The following XRRA1 variants were observed in gnomAD, a reference collection of about 807,000 sequenced individuals.
XRRA1 encodes the protein X-ray radiation resistance associated 1.
A neutral mutation model predicts 80.2 loss-of-function variants in XRRA1; 69 were observed. That is an observed-to-expected ratio of 0.86 (90% CI 0.71 to 1.05). The LOEUF (loss-of-function observed/expected upper bound fraction) is 1.05, where lower values mean the gene tolerates loss of function less well. Ranked by LOEUF, XRRA1 falls within the 50% of genes least tolerant of loss-of-function variation. XRRA1 has a pLI of 0.00. For missense variants in XRRA1, 967 were observed against 976.4 expected (o/e 0.99, Z 0.13); for synonymous variants, 348 against 389.9 (o/e 0.89, Z 1.27).
At chr11:74,880,879 C>T (rs2047383904) in intron 10 of XRRA1, among the ~76,000 whole-genome samples, 1 of 151,144 alleles carries the variant, frequency 6.6e-6, no homozygotes, top group Non-Finnish European at 1.5e-5. Flanking sequence ...GTTTTACTTC[C>T]AACTATGTGG....
intron 2 of XRRA1, among the ~76,000 whole-genome samples, chr11:74,941,367 A>G (rs1946301650): frequency 6.6e-6 from 1 of 152,232 alleles, no homozygotes; most frequent in Non-Finnish European, 1.5e-5. Flanking sequence ...TAGAGAAAAT[A>G]GTGTACAAAT....
chr11:74,879,179 C>T (rs1301489706), intron 10 of XRRA1, among the ~76,000 whole-genome samples: 2 of 150,694 alleles, frequency 1.3e-5, no homozygotes, highest in African/African-American at 4.9e-5. Flanking sequence ...AGGTCCTTCA[C>T]ATCCCTTGTA....
intron 10 of XRRA1, 169 bp from the exon 11 acceptor site, chr11:74,863,190 T>C: frequency 1.4e-6 from 1 of 692,990 alleles, no homozygotes. Context: ...GGCTGTGACA[T>C]GCATCAGGTA....
intron 10 of XRRA1, among the ~76,000 whole-genome samples, chr11:74,873,857 A>T (rs1439540632): frequency 6.6e-6 from 1 of 152,158 alleles, no homozygotes; most frequent in Non-Finnish European, 1.5e-5. Context: ...AAAACCTTCA[A>T]GCAACTAAGA....
At chr11:74,862,955 A>T in intron 11 of XRRA1, 26 bp downstream of exon 11, 1 of 1,557,674 alleles carries the variant, frequency 6.4e-7, no homozygotes, top group Non-Finnish European at 8.7e-7. Context: ...ACTCAGGAAC[A>T]CAAATATAAA....
At chr11:74,843,668 A>G (rs1225314771) in intron 18 of XRRA1, 186 bp downstream of exon 18, 2 of 806,738 alleles carry the variant, frequency 2.5e-6, no homozygotes, top group Non-Finnish European at 3.9e-6. Flanking sequence ...GGACCTTAAC[A>G]TGCTGTGTGA....
chr11:74,926,301 T>A (rs776561357), intron 7 of XRRA1, among the ~76,000 whole-genome samples: 6 of 152,224 alleles, frequency 3.9e-5, no homozygotes, highest in Non-Finnish European at 1.5e-5. Context: ...CCATCAACTC[T>A]GAAAAACTCA....
intron 10 of XRRA1, among the ~76,000 whole-genome samples, chr11:74,867,924 T>TTTA (rs2043822890): frequency 1.4e-5 from 2 of 145,032 alleles, no homozygotes; most frequent in Non-Finnish European, 3.0e-5. Flanking sequence ...AATCTTTTTT[T>TTTA]TTTTTTTTTT....
intron 8 of XRRA1, chr11:74,919,902 G>C: frequency 2.7e-6 from 1 of 377,324 alleles, no homozygotes; most frequent in Non-Finnish European, 5.0e-6. Context: ...TCTGTACTTC[G>C]GTTACCTATG....
At chr11:74,905,959 T>C (rs1480639535) in intron 10 of XRRA1, among the ~76,000 whole-genome samples, 1 of 152,146 alleles carries the variant, frequency 6.6e-6, no homozygotes, top group Non-Finnish European at 1.5e-5. Context: ...GATAAAATAA[T>C]AATAGTATAT....
intron 10 of XRRA1, among the ~76,000 whole-genome samples, chr11:74,865,937 C>T (rs953136594): frequency 3.6e-4 from 54 of 148,900 alleles, no homozygotes; most frequent in Non-Finnish European, 6.3e-4. Flanking sequence ...TAGACCATCG[C>T]TCAGTGCTGA....
At chr11:74,884,729 T>G (rs1263717239) in intron 10 of XRRA1, among the ~76,000 whole-genome samples, 5 of 152,290 alleles carry the variant, frequency 3.3e-5, no homozygotes, top group South Asian at 2.1e-4. Flanking sequence ...GGTATCACCC[T>G]AGACAACAGG....
chr11:74,889,669 C>G (rs1479534795), intron 10 of XRRA1, among the ~76,000 whole-genome samples: 1 of 152,128 alleles, frequency 6.6e-6, no homozygotes, highest in Non-Finnish European at 1.5e-5. Context: ...ATCTCATGTG[C>G]AGAGACACAC....
chr11:74,883,649 A>G (rs2048297885), intron 10 of XRRA1, among the ~76,000 whole-genome samples: 1 of 152,208 alleles, frequency 6.6e-6, no homozygotes, highest in Non-Finnish European at 1.5e-5. Context: ...GGAACCACAC[A>G]TGGACATGCC....
At position 74,843,466 on chromosome 11, in the gene XRRA1, A is replaced by C; in HGVS notation, c.2150-13T>G. The C allele has an allele frequency of 6.2e-7, 1 of 1,607,958 alleles. No individual in the cohort carries two copies. Among genetic ancestry groups the C allele is most frequent in the Non-Finnish European group, 8.5e-7 (1 of 1,177,402 alleles). On this transcript the variant is annotated splice_polypyrimidine_tract_variant and intron_variant, in intron 18 of 18. Transcript: ENST00000684022. ...TGCAGGACAGCACCTGCAGGAAAAGAAGCCAGGAGAGGCACCAAGCTCATC... is the reference window on the plus strand; with the variant it reads ...TGCAGGACAGCACCTGCAGGAAAAGCAGCCAGGAGAGGCACCAAGCTCATC...
chr11:74,883,945 C>T (rs184001592), intron 10 of XRRA1, among the ~76,000 whole-genome samples: 5 of 152,278 alleles, frequency 3.3e-5, no homozygotes, highest in South Asian at 4.1e-4. Context: ...TGCCTGTAAT[C>T]GCAGCACTTT....
intron 15 of XRRA1, chr11:74,846,041 T>TA (rs1189977900): frequency 1.3e-5 from 2 of 152,110 alleles, no homozygotes; most frequent in Non-Finnish European, 2.9e-5. Flanking sequence ...TTGGCATCAA[T>TA]ATGGTGACCT....
In XRRA1 at chr11:74,842,237, C is replaced by G. The variant is rs1336383155; in HGVS notation, c.*963G>C. On this transcript the variant is annotated 3_prime_UTR_variant, in exon 19 of 19. Coordinates refer to ENST00000684022, the MANE Select transcript of XRRA1 (RefSeq NM_001378157.1). ...AGAGCATTTTGACAAAGACAGAGGA[C>G]TTGGACCAGGGCATGCCCTGTTGGG... The G allele has an allele frequency of 6.6e-6, 1 of 152,234 alleles. No individual in the cohort carries two copies. The highest frequency in any genetic ancestry group is 2.4e-5 in the African/African-American group (1 of 41,460). 9.4% of individuals were successfully genotyped at this position (152,234 alleles called of 1,614,324 possible).
intron 5 of XRRA1, among the ~76,000 whole-genome samples, chr11:74,933,065 A>G (rs992764456): frequency 3.3e-5 from 5 of 152,202 alleles, no homozygotes; most frequent in Non-Finnish European, 7.3e-5. Context: ...AACATGATTC[A>G]TTGCATGAGT....
Sources: gnomAD v4.1 joint callset for allele counts (sites outside exome capture counted in the v4.1 genomes callset) on GRCh38, gnomAD v4.1.1 for gene constraint, MANE v1.5 for transcripts, NCBI Gene and HGNC (gene_info 2026-07-23, HGNC 2026-07-21) for gene names.